The following FBN2 variants were observed in gnomAD, a reference collection of about 807,000 sequenced individuals.
The protein encoded by FBN2 is fibrillin-2.
FBN2 carries 105 observed loss-of-function variants against 355.6 expected under a neutral mutation model. The observed-to-expected ratio is 0.30, with a 90% CI of 0.25 to 0.35. The LOEUF (loss-of-function observed/expected upper bound fraction) is 0.35. Ranked by LOEUF, FBN2 falls within the 10% of genes least tolerant of loss-of-function variation. FBN2 has a pLI of 1.00. For missense variants in FBN2, 3,280 were observed against 3,758.7 expected (o/e 0.87, Z 3.33); for synonymous variants, 1,350 against 1,301.2 (o/e 1.04, Z -0.81).
chr5:128,492,621 G>A (rs1172070548), intron 5 of FBN2, among the ~76,000 whole-genome samples: 1 of 151,988 alleles, frequency 6.6e-6, no homozygotes, highest in African/African-American at 2.4e-5. Flanking sequence ...TTGCCAACAT[G>A]GCTAGACCCT....
rs1018624400 is a variant in FBN2 at position 128,335,241 on chromosome 5, T to C, written c.3902A>G (p.Asn1301Ser). Residue 1301 changes from asparagine to serine, a missense_variant, in exon 30 of 65, where the codon AAC becomes AGC. Coordinates refer to ENST00000262464, the MANE Select transcript of FBN2 (RefSeq NM_001999.4). ...GAGGCAGCGATACTCTCCAGGAATG[T>C]TGGTACACTGGCCGCCATCACAGAT... ...PDICDGGQCT[N>S]IPGEYRCLCY... 4 of 1,614,138 alleles carry C rather than the reference T, an allele frequency of 2.5e-6. No individual in the cohort carries two copies. Among genetic ancestry groups the C allele is most frequent in the Non-Finnish European group, 3.4e-6 (4 of 1,179,984 alleles).
chr5:128,262,479 T>G (rs1765000212), intron 63 of FBN2, among the ~76,000 whole-genome samples: 1 of 152,170 alleles, frequency 6.6e-6, no homozygotes, highest in African/African-American at 2.4e-5. Context: ...TGAGCATAAT[T>G]AACTCCAGAA....
chr5:128,262,965 G>C (rs1435341470), intron 63 of FBN2, among the ~76,000 whole-genome samples: 1 of 152,176 alleles, frequency 6.6e-6, no homozygotes, highest in Non-Finnish European at 1.5e-5. Context: ...CTCTCTGTGC[G>C]ATAGGAAAGC....
At chr5:128,460,588 C>T (rs766239619) in intron 6 of FBN2, among the ~76,000 whole-genome samples, 5 of 152,152 alleles carry the variant, frequency 3.3e-5, no homozygotes, top group Admixed American at 1.3e-4. Context: ...GGATGCATCA[C>T]GCTACCTGAC....
chr5:128,536,838 C>T lies in FBN2; in HGVS notation c.255-354G>A, dbSNP rs1756859669. ...AGAATCCTTGCCCTCCTTCCCAAATCCATTCCTCCTTGGTCAACTGTTACT... is the reference window on the plus strand; with the variant it reads ...AGAATCCTTGCCCTCCTTCCCAAATTCATTCCTCCTTGGTCAACTGTTACT... On this transcript the variant is annotated intron_variant, in intron 1 of 64. Transcript: ENST00000262464. Among the ~76,000 whole-genome samples, 4 of 152,200 alleles carry T rather than the reference C, an allele frequency of 2.6e-5. No homozygotes were observed. The South Asian group carries it at 8.3e-4, about 31-fold the overall frequency.
chr5:128,299,910 T>C (rs1561757003), intron 48 of FBN2, among the ~76,000 whole-genome samples: 1 of 107,084 alleles, frequency 9.3e-6, no homozygotes, highest in East Asian at 3.8e-4. Flanking sequence ...TATTATTTTT[T>C]AAGTATTAAA....
At chr5:128,426,571 G>A (rs148297157) in intron 7 of FBN2, among the ~76,000 whole-genome samples, 725 of 152,286 alleles carry the variant, frequency 4.8e-3, no homozygotes, top group Non-Finnish European at 7.9e-3. Flanking sequence ...GAAATCTCAT[G>A]CAGTTCACAC....
intron 15 of FBN2, among the ~76,000 whole-genome samples, chr5:128,369,773 G>A (rs183442027): frequency 3.3e-5 from 5 of 152,270 alleles, no homozygotes; most frequent in African/African-American, 9.6e-5. Context: ...TGGCTTGGGC[G>A]TGAGATTTCT....
At chr5:128,433,427 G>T (rs1384195384) in intron 7 of FBN2, among the ~76,000 whole-genome samples, 1 of 152,054 alleles carries the variant, frequency 6.6e-6, no homozygotes, top group Non-Finnish European at 1.5e-5. Context: ...AACATAAGAG[G>T]TTTTTACTAT....
At chr5:128,481,420 A>G (rs975167616) in intron 5 of FBN2, among the ~76,000 whole-genome samples, 1 of 152,170 alleles carries the variant, frequency 6.6e-6, no homozygotes, top group Admixed American at 6.5e-5. Context: ...CCAGGAGACT[A>G]TGCGTCATGC....
rs753512475 is a variant in FBN2 at position 128,393,319 on chromosome 5, T to C, written c.1281A>G (p.Pro427=). Residue 427 remains proline (P), a synonymous_variant, in exon 10 of 65, where the codon CCA becomes CCG. Transcript: ENST00000262464. ...CMDGLPMGGI[P]GSAGSRPGGT... is the part of the protein sequence containing the mutation. ...CTCCAGGTCTGGAACCAGCACTCCC[T>C]GGAATTCCTCCCATTGGAAGTCCAT... is the stretch of plus-strand genomic sequence containing the variant. The C allele has an allele frequency of 3.1e-6, 5 of 1,614,170 alleles. No homozygotes were observed. The South Asian group carries it at 3.3e-5, about 11-fold the overall frequency.
chr5:128,496,507 A>C (rs2127133409), intron 5 of FBN2, among the ~76,000 whole-genome samples: 1 of 152,214 alleles, frequency 6.6e-6, no homozygotes, highest in East Asian at 1.9e-4. Context: ...GAACTTCCTC[A>C]GCATAATAAA....
chr5:128,309,153 C>T, intron 41 of FBN2, 94 bp downstream of exon 41: 1 of 1,362,234 alleles, frequency 7.3e-7, no homozygotes, highest in Non-Finnish European at 1.0e-6. Context: ...CTGAGCATCT[C>T]TAGTTTTAGC....
At chr5:128,418,772 T>C (rs906958021) in intron 7 of FBN2, among the ~76,000 whole-genome samples, 2 of 152,194 alleles carry the variant, frequency 1.3e-5, no homozygotes, top group Non-Finnish European at 1.5e-5. Context: ...AGACTTGTTC[T>C]GTGACCTAAC....
chr5:128,478,175 T>G (rs1282328919), intron 5 of FBN2, among the ~76,000 whole-genome samples: 1 of 152,204 alleles, frequency 6.6e-6, no homozygotes, highest in Non-Finnish European at 1.5e-5. Context: ...GTAAGTATTT[T>G]TGCAACGCTG....
At chr5:128,536,343 T>G in intron 2 of FBN2, 59 bp downstream of exon 2, 1 of 1,357,680 alleles carries the variant, frequency 7.4e-7, no homozygotes, top group African/African-American at 1.4e-5. Flanking sequence ...GTGCAAGAGG[T>G]CGGCCGGAGA....
At position 128,258,120 on chromosome 5, in the gene FBN2, A is replaced by T. The variant is rs1233163640; in HGVS notation, c.*1335T>A. 1 of 152,522 alleles carries T rather than the reference A, an allele frequency of 6.6e-6. No homozygotes were observed. The highest frequency in any genetic ancestry group is 1.5e-5 in the Non-Finnish European group (1 of 68,042). 9.4% of individuals were successfully genotyped at this position (152,522 alleles called of 1,614,324 possible). A position where few individuals can be genotyped will look rare whatever the true frequency, so the allele number is the denominator to read the frequency against. ...CTAATCTTTGGTCAGCACAGGTTTG[A>T]GAGGAACAACCAGGAGCCTGCATGT... On this transcript the variant is annotated 3_prime_UTR_variant, in exon 65 of 65. Coordinates refer to ENST00000262464, the MANE Select transcript of FBN2 (RefSeq NM_001999.4).
At chr5:128,340,198 G>A (rs1473292435) in intron 25 of FBN2, among the ~76,000 whole-genome samples, 2 of 152,136 alleles carry the variant, frequency 1.3e-5, no homozygotes, top group Admixed American at 1.3e-4. Flanking sequence ...AAATCTGTCA[G>A]TGGGGAAAAA....
chr5:128,299,156 G>A (rs1749632522), intron 48 of FBN2, among the ~76,000 whole-genome samples: 2 of 152,022 alleles, frequency 1.3e-5, no homozygotes, highest in Admixed American at 1.3e-4. Flanking sequence ...GGGGTCAGGG[G>A]TCAGGGACCC....
Sources: gnomAD v4.1 joint callset for allele counts (sites outside exome capture counted in the v4.1 genomes callset) on GRCh38, gnomAD v4.1.1 for gene constraint, MANE v1.5 for transcripts, NCBI Gene and HGNC (gene_info 2026-07-23, HGNC 2026-07-21) for gene names.